Variants in KANK3 observed in about 807,000 individuals in gnomAD.
KANK3 encodes the protein KN motif and ankyrin repeat domains 3.
KANK3 carries 61 observed loss-of-function variants against 65.4 expected under a neutral mutation model. That is an observed-to-expected ratio of 0.93 (90% CI 0.76 to 1.15). The LOEUF is 1.15. Ranked by LOEUF, KANK3 falls within the 50% of genes most tolerant of loss-of-function variation. The probability of loss-of-function intolerance (pLI) is 0.00; values close to 1 mark genes in which losing one functional copy is unlikely to be tolerated. For synonymous variants in KANK3, 586 were observed against 543.3 expected (o/e 1.08, Z -1.09); for missense variants, 1,187 against 1,178.8 (o/e 1.01, Z -0.10).
rs1049947867 is a variant in KANK3 at position 8,334,940 on chromosome 19, C to G, written c.887G>C (p.Gly296Ala). Residue 296 changes from glycine to alanine, a missense_variant, in exon 3 of 11, where the codon GGG (glycine) becomes GCG (alanine). Transcript: ENST00000330915. ...VLDGEVGSLD[G>A]TPQTREVAAE... The stretch of plus-strand genomic sequence containing the variant: ...GGCCACCTCCCGGGTCTGGGGCGTC[C>G]CATCGAGACTCCCGACCTCCCCGTC... 8.1e-6 allele frequency: 12 copies of G among 1,486,114 alleles called. No homozygotes were observed. The highest frequency in any genetic ancestry group is 1.1e-5 in the Non-Finnish European group (12 of 1,127,952). The allele number at this position is 1,486,114 out of a possible 1,614,324, so 92.1% of individuals were successfully genotyped here. A position where few individuals can be genotyped will look rare whatever the true frequency, so the allele number is the denominator to read the frequency against.
chr19:8,335,123 C>G lies in KANK3; in HGVS notation c.704G>C (p.Gly235Ala), dbSNP rs1970610232. Reference protein sequence around the residue: ...LAGRAQPEPDGEAETRPDKLA... With the variant: ...LAGRAQPEPDAEAETRPDKLA... Reference sequence around the variant, plus strand: ...CTTGTCCGGGCGCGTCTCAGCCTCCCCGTCCGGCTCGGGCTGCGCGCGCCC... The same window carrying G: ...CTTGTCCGGGCGCGTCTCAGCCTCCGCGTCCGGCTCGGGCTGCGCGCGCCC... The change falls in exon 3 of 11, where the codon GGG (glycine) becomes GCG (alanine). Residue 235 changes from glycine to alanine, a missense_variant. Physicochemically the swap from Gly to Ala is moderately conservative, Grantham distance 60 (BLOSUM62 0). Coordinates refer to ENST00000330915, the MANE Select transcript of KANK3 (RefSeq NM_198471.3). The G allele has an allele frequency of 7.9e-7, 1 of 1,263,580 alleles. No homozygotes were observed. The highest frequency in any genetic ancestry group is 9.9e-7 in the Non-Finnish European group (1 of 1,007,504). 78.3% of individuals were successfully genotyped at this position (1,263,580 alleles called of 1,614,324 possible).
intron 7 of KANK3, among the ~76,000 whole-genome samples, chr19:8,330,373 T>A (rs746551415): frequency 7.9e-5 from 12 of 152,058 alleles, no homozygotes; most frequent in Non-Finnish European, 1.5e-4. Context: ...GGCAGGAGGA[T>A]CACTTGAGGT....
At chr19:8,326,832 T>C (rs1970438662) in intron 7 of KANK3, among the ~76,000 whole-genome samples, 1 of 151,560 alleles carries the variant, frequency 6.6e-6, no homozygotes, top group African/African-American at 2.4e-5. Context: ...AACACCTTGA[T>C]TTCAGAAGTC....
chr19:8,335,209 C>A lies in KANK3; in HGVS notation c.618G>T (p.Thr206=). 3.3e-6 allele frequency: 4 copies of A among 1,219,436 alleles called. No homozygotes were observed. Among genetic ancestry groups the A allele is most frequent in the Non-Finnish European group, 2.0e-6 (2 of 979,706 alleles). The allele number at this position is 1,219,436 out of a possible 1,614,324, so 75.5% of individuals were successfully genotyped here. The change falls in exon 3 of 11, where the codon ACG becomes ACT. Residue 206 remains threonine (T), a synonymous_variant. Transcript: ENST00000330915. ...RLRELEDQAR[T]LPELQEQVRA... is the part of the protein sequence containing the mutation. ...GCACCTGCTCCTGCAGCTCGGGCAG[C>A]GTTCGCGCCTGGTCCTCGAGCTCGC...
intron 1 of KANK3, among the ~76,000 whole-genome samples, chr19:8,342,317 C>T (rs1204012488): frequency 6.6e-6 from 1 of 152,150 alleles, no homozygotes; most frequent in East Asian, 1.9e-4. Flanking sequence ...TCCCAGCCTA[C>T]ACCTGTGTCA....
At chr19:8,329,185 AAAG>A (rs1056913863) in intron 7 of KANK3, among the ~76,000 whole-genome samples, 2 of 149,514 alleles carry the variant, frequency 1.3e-5, no homozygotes, top group African/African-American at 4.9e-5. Context: ...AAAAAAAAAA[AAAG>A]GAAATTGACA....
At position 8,333,802 on chromosome 19, in the gene KANK3, C is replaced by T. The variant is rs1200049565; in HGVS notation, c.1641G>A (p.Glu547=). The change falls in exon 6 of 11, where the codon GAG becomes GAA. Residue 547 remains glutamate (E), a synonymous_variant. Coordinates refer to ENST00000330915, the MANE Select transcript of KANK3 (RefSeq NM_198471.3). The surrounding 1 kb of genome is among the most constrained non-coding windows in gnomAD (Gnocchi z 5.0). Reference sequence around the variant, plus strand: ...ACGCCTCCCTCAGACGCGGGCTCAGCTCGCACCTGCAGAGGAGGCCAGGAG... The same window carrying T: ...ACGCCTCCCTCAGACGCGGGCTCAGTTCGCACCTGCAGAGGAGGCCAGGAG... ...EPQQVAQGRC[E]LSPRLREACV... 6.5e-7 allele frequency: 1 copy of T among 1,536,326 alleles called. No individual in the cohort carries two copies.
Position 8,335,605 on chromosome 19 carries a change from G to A in KANK3, c.222C>T (p.Arg74=). 1 of 1,233,840 alleles carries A rather than the reference G, an allele frequency of 8.1e-7. No homozygotes were observed. Among genetic ancestry groups the A allele is most frequent in the Non-Finnish European group, 1.0e-6 (1 of 984,542 alleles). The allele number at this position is 1,233,840 out of a possible 1,614,324, so 76.4% of individuals were successfully genotyped here. The change falls in exon 3 of 11, where the codon CGC becomes CGT. Residue 74 remains arginine, a synonymous_variant. Transcript: ENST00000330915. ...CGCCCGCGAGGCCGGGCCGGGGCGCGCGGGGACGGCGCGAGGTCGGGGGTC... is the reference window on the plus strand; with the variant it reads ...CGCCCGCGAGGCCGGGCCGGGGCGCACGGGGACGGCGCGAGGTCGGGGGTC... ...APGPPTSRRP[R]APRPGLAGAR...
chr19:8,335,447 T>C lies in KANK3; in HGVS notation c.380A>G (p.Asn127Ser). ...QPLSPRAPVR[N>S]PRVEHTLRET... ...CCGGAGCGTGTGCTCGACGCGCGGG[T>C]TGCGCACGGGCGCGCGCGGCGACAG... The change falls in exon 3 of 11, where the codon AAC (asparagine) becomes AGC (serine). Residue 127 changes from asparagine (N) to serine (S), a missense_variant. Asn to Ser is a conservative substitution (Grantham distance 46, BLOSUM62 1). Around this residue, in one of 3 missense-constraint regions of KANK3, gnomAD observed 1,078 missense variants for 1,038.2 expected, o/e 1.04. Transcript: ENST00000330915. 8.2e-7 allele frequency: 1 copy of C among 1,222,430 alleles called. No homozygotes were observed. Among genetic ancestry groups the C allele is most frequent in the Non-Finnish European group, 1.0e-6 (1 of 980,262 alleles). 75.7% of individuals were successfully genotyped at this position (1,222,430 alleles called of 1,614,324 possible). A position where few individuals can be genotyped will look rare whatever the true frequency, so the allele number is the denominator to read the frequency against.
intron 10 of KANK3, among the ~76,000 whole-genome samples, chr19:8,323,829 C>T (rs1970369128): frequency 6.6e-6 from 1 of 152,194 alleles, no homozygotes; most frequent in South Asian, 2.1e-4. Context: ...TATGAAAGTG[C>T]TAAAACATCC....
chr19:8,340,275 C>CATATATAT (rs1555684729), intron 1 of KANK3, among the ~76,000 whole-genome samples: 4 of 66,098 alleles, frequency 6.1e-5, no homozygotes, highest in African/African-American at 2.1e-4. Context: ...AAAAAAAAAC[C>CATATATAT]ATATATATAT....
At chr19:8,331,950 A>C (rs1294108798) in intron 7 of KANK3, among the ~76,000 whole-genome samples, 1 of 150,194 alleles carries the variant, frequency 6.7e-6, no homozygotes, top group Non-Finnish European at 1.5e-5. Context: ...CTCAGGGCAG[A>C]ACTAGGGGTA....
chr19:8,323,514 T>A (rs1172674217), intron 10 of KANK3: 1 of 152,082 alleles, frequency 6.6e-6, no homozygotes, highest in East Asian at 1.9e-4. Context: ...TGCAGTGAAC[T>A]GAGATTGTGC....
chr19:8,329,492 CA>C (rs59607185), intron 7 of KANK3, among the ~76,000 whole-genome samples: 939 of 51,092 alleles, frequency 0.018, 9 homozygotes, highest in South Asian at 0.16. Context: ...GACTCGGCCT[CA>C]AAAAAAAAAA....
intron 2 of KANK3, among the ~76,000 whole-genome samples, chr19:8,336,927 G>A (rs966024328): frequency 6.6e-6 from 1 of 152,074 alleles, no homozygotes; most frequent in Non-Finnish European, 1.5e-5. Flanking sequence ...AGGGGGAAGA[G>A]GAATGGACGC....
intron 4 of KANK3, 69 bp from the exon 5 acceptor site, chr19:8,334,185 G>A: frequency 6.7e-7 from 1 of 1,498,240 alleles, no homozygotes; most frequent in Non-Finnish European, 8.9e-7. Flanking sequence ...TGCGATGTGG[G>A]TGTGGCCGTT....
At position 8,333,554 on chromosome 19, in the gene KANK3, C is replaced by T. The variant is rs541733063; in HGVS notation, c.1719+170G>A. Among the ~76,000 whole-genome samples, 48 of 152,142 alleles carry T rather than the reference C, an allele frequency of 3.2e-4. No homozygotes were observed. Among genetic ancestry groups the T allele is most frequent in the Non-Finnish European group, 6.2e-4 (42 of 68,016 alleles). ...CTGGGGCCGGGCCTTTTTGGGGAAA[C>T]CAAGGAAAGATCGGCGCTGTCCTGG... On this transcript the variant is annotated intron_variant, in intron 6 of 10. Transcript: ENST00000330915. The surrounding 1 kb of genome is among the most constrained non-coding windows in gnomAD (Gnocchi z 5.0).
rs1285563505 is a variant in KANK3, at chr19:8,324,747, C to G, written c.2166G>C (p.Val722=). The change falls in exon 9 of 11, where the codon GTG becomes GTC. Residue 722 remains valine, a synonymous_variant. Coordinates refer to ENST00000330915, the MANE Select transcript of KANK3 (RefSeq NM_198471.3). The part of the protein sequence containing the change: ...VATLLACGAD[V]NAQDADGATA... The stretch of plus-strand genomic sequence containing the variant: ...TGGCCCCATCCGCATCCTGCGCATT[C>G]ACATCAGCCCCACACGCCAGTAGGG... 1.9e-6 allele frequency: 3 copies of G among 1,614,090 alleles called. No individual in the cohort carries two copies. The highest frequency in any genetic ancestry group is 1.1e-5 in the South Asian group (1 of 91,090).
Position 8,334,322 on chromosome 19 carries a change from T to A in KANK3, c.1425A>T (p.Gly475=). The change falls in exon 4 of 11, where the codon GGA becomes GGT. Residue 475 remains glycine, a splice_region_variant and synonymous_variant. Coordinates refer to ENST00000330915, the MANE Select transcript of KANK3 (RefSeq NM_198471.3). Reference sequence around the variant, plus strand: ...CACAGGAGGGGAAAGGCGCTCACTCTCCGTTGAGGACCCCAACAAACTGCA... The same window carrying A: ...CACAGGAGGGGAAAGGCGCTCACTCACCGTTGAGGACCCCAACAAACTGCA... ...KSLQFVGVLN[G]EYESSSSEDA... 6.2e-7 allele frequency: 1 copy of A among 1,614,016 alleles called. No homozygotes were observed. Among genetic ancestry groups the A allele is most frequent in the South Asian group, 1.1e-5 (1 of 91,088 alleles).
Sources: gnomAD v4.1 joint callset for allele counts (sites outside exome capture counted in the v4.1 genomes callset) on GRCh38, gnomAD v4.1.1 for gene constraint, gnomAD v4.1.1 regional missense constraint, Gnocchi (gnomAD v3.1) non-coding constraint, MANE v1.5 for transcripts, NCBI Gene and HGNC (gene_info 2026-07-23, HGNC 2026-07-21) for gene names.